Variants in HCN1 observed in about 807,000 individuals in gnomAD.
HCN1 encodes hyperpolarization activated cyclic nucleotide gated potassium channel 1.
A neutral mutation model predicts 78.9 loss-of-function variants in HCN1; 13 were observed. The ratio of observed to expected loss-of-function variants is 0.16; its 90% CI spans 0.11 to 0.26. HCN1 has a LOEUF of 0.26. Ranked by LOEUF, HCN1 falls within the 10% of genes least tolerant of loss-of-function variation. The pLI is 1.00. For missense variants in HCN1, 810 were observed against 1,154.3 expected (o/e 0.70, Z 4.32); for synonymous variants, 552 against 455.5 (o/e 1.21, Z -2.70).
At chr5:45,594,608 C>T (rs1744445789) in intron 2 of HCN1, among the ~76,000 whole-genome samples, 1 of 152,154 alleles carries the variant, frequency 6.6e-6, no homozygotes, top group Non-Finnish European at 1.5e-5. Context: ...GAAAGGGAAT[C>T]TTCCAGATTA....
chr5:45,564,197 ACTTT>A (rs1561202646), intron 2 of HCN1, among the ~76,000 whole-genome samples: 3 of 152,096 alleles, frequency 2.0e-5, no homozygotes, highest in African/African-American at 7.2e-5. Flanking sequence ...TACCTCAAAA[ACTTT>A]GTCTCCCACT....
intron 2 of HCN1, among the ~76,000 whole-genome samples, chr5:45,637,681 G>A (rs1745380136): frequency 6.6e-6 from 1 of 151,648 alleles, no homozygotes; most frequent in African/African-American, 2.4e-5. Flanking sequence ...ACTGTTGAAA[G>A]GAAAAAAGTT....
At chr5:45,477,624 A>G (rs1741546750) in intron 2 of HCN1, among the ~76,000 whole-genome samples, 2 of 152,194 alleles carry the variant, frequency 1.3e-5, no homozygotes. Flanking sequence ...GAAGCATAAG[A>G]TAAATTCTTT....
intron 3 of HCN1, among the ~76,000 whole-genome samples, chr5:45,422,092 T>G (rs905616819): frequency 3.2e-4 from 48 of 152,190 alleles, no homozygotes; most frequent in African/African-American, 1.0e-3. Flanking sequence ...ACAAGTGCCC[T>G]GCCCATGTGT....
intron 4 of HCN1, among the ~76,000 whole-genome samples, chr5:45,376,660 C>T (rs1347731080): frequency 6.6e-6 from 1 of 151,842 alleles, no homozygotes. Context: ...TCATGCAGGG[C>T]AGACGTGATT....
intron 1 of HCN1, among the ~76,000 whole-genome samples, chr5:45,659,353 A>G (rs1745867099): frequency 8.6e-6 from 1 of 116,768 alleles, no homozygotes; most frequent in Admixed American, 8.5e-5. Context: ...AAAGATGGGG[A>G]AAAAACAGAA....
intron 2 of HCN1, among the ~76,000 whole-genome samples, chr5:45,593,035 C>T (rs1744406719): frequency 6.6e-6 from 1 of 152,098 alleles, no homozygotes; most frequent in South Asian, 2.1e-4. Context: ...AATAAAATAT[C>T]TACTTGTTTA....
At chr5:45,375,433 T>TATATAAGATCATATTTTATGATACATATG (rs1747606244) in intron 4 of HCN1, among the ~76,000 whole-genome samples, 2 of 114,026 alleles carry the variant, frequency 1.8e-5, no homozygotes, top group Non-Finnish European at 3.3e-5. Context: ...TGATACATAT[T>TATATAAGATCATATTTTATGATACATATG]ATATATAAGA....
chr5:45,284,885 C>T (rs934642173), intron 6 of HCN1, among the ~76,000 whole-genome samples: 4 of 152,024 alleles, frequency 2.6e-5, no homozygotes, highest in African/African-American at 9.7e-5. Context: ...TTCCTCCTTC[C>T]TATGCACCAT....
chr5:45,507,672 C>T (rs1742336287), intron 2 of HCN1, among the ~76,000 whole-genome samples: 1 of 151,868 alleles, frequency 6.6e-6, no homozygotes, highest in Non-Finnish European at 1.5e-5. Flanking sequence ...AGAAGGTGAC[C>T]CACGGATTAC....
intron 2 of HCN1, among the ~76,000 whole-genome samples, chr5:45,533,611 G>A (rs562274228): frequency 6.6e-6 from 1 of 152,278 alleles, no homozygotes; most frequent in South Asian, 2.1e-4. Flanking sequence ...GTAAGAAATA[G>A]AAAGTGTTTT....
At chr5:45,588,903 A>G (rs956110494) in intron 2 of HCN1, among the ~76,000 whole-genome samples, 2 of 152,232 alleles carry the variant, frequency 1.3e-5, no homozygotes, top group Non-Finnish European at 2.9e-5. Flanking sequence ...TAGTTTGGTT[A>G]TAACAGTTAG....
In HCN1 at chr5:45,258,650, C is replaced by A. The variant is rs1238205919; in HGVS notation, c.*3271G>T. The A allele has an allele frequency of 6.6e-6, 1 of 151,876 alleles. No individual in the cohort carries two copies. Among genetic ancestry groups the A allele is most frequent in the Admixed American group, 6.6e-5 (1 of 15,258 alleles). The allele number at this position is 151,876 out of a possible 1,614,324, so 9.4% of individuals were successfully genotyped here. ...CACTCTCCAAATAACTTTGCAGGGCCCAAGGCTATAAATATGAATATATTT... is the reference window on the plus strand; with the variant it reads ...CACTCTCCAAATAACTTTGCAGGGCACAAGGCTATAAATATGAATATATTT... On this transcript the variant is annotated 3_prime_UTR_variant, in exon 8 of 8. Transcript: ENST00000303230.
At chr5:45,376,285 AGATATATATTG>A (rs1747669708) in intron 4 of HCN1, among the ~76,000 whole-genome samples, 1 of 128,646 alleles carries the variant, frequency 7.8e-6, no homozygotes, top group Non-Finnish European at 1.6e-5. Context: ...TAGAATATAT[AGATATATATTG>A]TATTATATAT....
chr5:45,342,370 C>T (rs1746601388), intron 5 of HCN1, among the ~76,000 whole-genome samples: 2 of 150,826 alleles, frequency 1.3e-5, no homozygotes, highest in African/African-American at 2.4e-5. Flanking sequence ...GCTGGGATTA[C>T]AGGTGCATGC....
intron 2 of HCN1, among the ~76,000 whole-genome samples, chr5:45,548,271 A>G (rs1012079885): frequency 5.0e-4 from 76 of 152,066 alleles, no homozygotes; most frequent in African/African-American, 1.8e-3. Context: ...GACTACAATC[A>G]ATGCCCTAAA....
intron 5 of HCN1, among the ~76,000 whole-genome samples, chr5:45,347,829 GAAAC>G (rs1035057989): frequency 5.9e-5 from 9 of 152,216 alleles, no homozygotes; most frequent in Admixed American, 6.5e-5. Context: ...AGAAGAAAAG[GAAAC>G]AAACAAAGCC....
intron 2 of HCN1, among the ~76,000 whole-genome samples, chr5:45,524,608 T>A (rs1289688385): frequency 1.3e-5 from 2 of 152,182 alleles, no homozygotes; most frequent in Non-Finnish European, 2.9e-5. Context: ...TATTTTATTC[T>A]CTTTGAAGCA....
intron 3 of HCN1, among the ~76,000 whole-genome samples, chr5:45,412,912 G>A (rs1443127096): frequency 1.3e-5 from 2 of 152,052 alleles, no homozygotes; most frequent in African/African-American, 4.8e-5. Context: ...ACAAGTTAGA[G>A]TGAATGTATA....
Sources: allele counts gnomAD v4.1 joint callset (sites outside exome capture counted in the v4.1 genomes callset), GRCh38; gene constraint gnomAD v4.1.1; transcripts MANE v1.5; gene names NCBI Gene and HGNC (gene_info 2026-07-23, HGNC 2026-07-21).